Variants in GSS observed in about 807,000 individuals in gnomAD.
GSS encodes GSH synthetase.
GSS carries 34 observed loss-of-function variants against 60.4 expected under a neutral mutation model. The ratio of observed to expected loss-of-function variants is 0.56; its 90% CI spans 0.43 to 0.75. The LOEUF (loss-of-function observed/expected upper bound fraction) is 0.75. GSS is among the 30% of genes least tolerant of loss of function. GSS has a pLI of 0.00. For missense variants in GSS, 499 were observed against 595.1 expected (o/e 0.84, Z 1.68); for synonymous variants, 224 against 239.0 (o/e 0.94, Z 0.58).
At chr20:34,941,689 C>T in intron 6 of GSS, 24 bp downstream of exon 6, 1 of 1,267,634 alleles carries the variant, frequency 7.9e-7, no homozygotes. Context: ...GCAGGATCCT[C>T]CTGCTACCTT....
Position 34,935,680 on chromosome 20 carries a change from A to T in GSS, c.768-38T>A, listed in dbSNP as rs186477360. 1.4e-3 allele frequency: 2,035 copies of T among 1,487,014 alleles called. 6 individuals are homozygous for T. Among genetic ancestry groups the T allele is most frequent in the Non-Finnish European group, 1.7e-3 (1,796 of 1,064,422 alleles). 92.1% of individuals were successfully genotyped at this position (1,487,014 alleles called of 1,614,324 possible). On this transcript the variant is annotated intron_variant, in intron 8 of 12. Coordinates refer to ENST00000651619, the MANE Select transcript of GSS (RefSeq NM_000178.4). ...ATGGAGAAGGCTGCTGTGTTAAATT[A>T]TAACTGATTTGTTCAGTGGTTCAAT... is the stretch of plus-strand genomic sequence containing the variant.
chr20:34,949,132 T>C (rs2081545892), intron 2 of GSS, among the ~76,000 whole-genome samples: 1 of 152,200 alleles, frequency 6.6e-6, no homozygotes. Context: ...AGGGAAACAG[T>C]GGCTGGAGGA....
At chr20:34,955,101 G>C (rs2081610942) in intron 1 of GSS, 1 of 152,064 alleles carries the variant, frequency 6.6e-6, no homozygotes, top group Non-Finnish European at 1.5e-5. Context: ...ATCTGGGCTC[G>C]CGATTTCGTT....
At chr20:34,935,448 G>C (rs1600381046) in intron 9 of GSS, 128 bp downstream of exon 9, 2 of 750,194 alleles carry the variant, frequency 2.7e-6, no homozygotes, top group East Asian at 5.0e-5. Context: ...GGTTCTAGCA[G>C]CAAGCTCCCT....
chr20:34,946,447 C>A (rs1036402540), intron 2 of GSS, among the ~76,000 whole-genome samples: 9 of 152,238 alleles, frequency 5.9e-5, no homozygotes, highest in African/African-American at 1.9e-4. Context: ...TTATTATCCA[C>A]ACTTAACAGA....
intron 9 of GSS, among the ~76,000 whole-genome samples, chr20:34,932,485 A>G (rs1339042166): frequency 6.6e-6 from 1 of 152,124 alleles, no homozygotes; most frequent in Non-Finnish European, 1.5e-5. Context: ...TCAACCTTGT[A>G]CCATCCCTGA....
chr20:34,949,354 A>G (rs35291022), intron 2 of GSS: 12,274 of 151,754 alleles, frequency 0.081, 580 homozygotes, highest in South Asian at 0.13. Flanking sequence ...CGGCTGTCTG[A>G]CGCTGGCCTG....
chr20:34,931,188 T>G (rs2081398249), intron 11 of GSS, 148 bp downstream of exon 11: 2 of 734,246 alleles, frequency 2.7e-6, no homozygotes, highest in Non-Finnish European at 2.5e-6. Context: ...CACAGGGTCT[T>G]AGGGGACACT....
chr20:34,942,795 G>T, intron 4 of GSS, 136 bp downstream of exon 4: 1 of 947,204 alleles, frequency 1.1e-6, no homozygotes, highest in Non-Finnish European at 1.7e-6. Context: ...TGGTCACTGG[G>T]ATAAACCCAG....
intron 1 of GSS, among the ~76,000 whole-genome samples, chr20:34,953,655 G>A (rs1296981830): frequency 3.7e-5 from 5 of 135,546 alleles, no homozygotes; most frequent in Non-Finnish European, 7.6e-5. Flanking sequence ...TGGCTCTGTC[G>A]CCCAGGCTGG....
At chr20:34,944,236 G>A (rs1184937588) in intron 3 of GSS, among the ~76,000 whole-genome samples, 1 of 152,188 alleles carries the variant, frequency 6.6e-6, no homozygotes, top group Non-Finnish European at 1.5e-5. Context: ...TTAGGAACTA[G>A]GGTTTATATG....
Position 34,942,584 on chromosome 20 carries a change from C to A in GSS, c.395G>T (p.Arg132Leu). 1 of 1,614,010 alleles carries A rather than the reference C, an allele frequency of 6.2e-7. No individual in the cohort carries two copies. Among genetic ancestry groups the A allele is most frequent in the South Asian group, 1.1e-5 (1 of 91,080 alleles). The change falls in exon 5 of 13, where the codon CGC becomes CTC. Residue 132 changes from arginine to leucine, a missense_variant. Arg to Leu is a moderately radical substitution (Grantham distance 102). Coordinates refer to ENST00000651619, the MANE Select transcript of GSS (RefSeq NM_000178.4). The part of the protein sequence containing the change: ...GLNRSDYMFQ[R>L]SADGSPALKQ... ...CAGGGCTGGGGAGCCATCTGCGCTG[C>A]GCTGGAACATGTAGTCTGAGCGATT...
intron 6 of GSS, among the ~76,000 whole-genome samples, chr20:34,937,992 G>A (rs8118735): frequency 4.6e-5 from 7 of 152,146 alleles, no homozygotes; most frequent in Non-Finnish European, 1.0e-4. Context: ...CGGGTAGCTG[G>A]GATTTCAGGT....
intron 6 of GSS, among the ~76,000 whole-genome samples, chr20:34,937,948 C>G (rs772373043): frequency 1.3e-4 from 20 of 152,290 alleles, no homozygotes; most frequent in African/African-American, 4.3e-4. Flanking sequence ...ACCTCCACCC[C>G]CTGGGTTCCA....
chr20:34,947,030 C>CATTATGGTGGTATAAGTTT, intron 2 of GSS, among the ~76,000 whole-genome samples: 1 of 152,104 alleles, frequency 6.6e-6, no homozygotes, highest in South Asian at 2.1e-4. Context: ...ATCAGTTTGT[C>CATTATGGTGGTATAAGTTT]ATTATGGTGG....
At chr20:34,941,855 G>T in intron 5 of GSS, 26 bp from the exon 6 acceptor site, 1 of 1,275,626 alleles carries the variant, frequency 7.8e-7, no homozygotes, top group Non-Finnish European at 1.1e-6. Flanking sequence ...TGGCTGTTCA[G>T]TAATTGGATG....
intron 9 of GSS, among the ~76,000 whole-genome samples, chr20:34,934,776 TC>T (rs1337852865): frequency 6.6e-6 from 1 of 151,904 alleles, no homozygotes; most frequent in Non-Finnish European, 1.5e-5. Flanking sequence ...CTAGTGTAGC[TC>T]CCCCCGCTCA....
intron 2 of GSS, chr20:34,950,274 T>C (rs1236690549): frequency 6.6e-6 from 1 of 152,158 alleles, no homozygotes. Context: ...ACCATCAGCC[T>C]GCCTTAGGTG....
At chr20:34,945,022 ATTATTTCTTT>A (rs1300719611) in intron 3 of GSS, among the ~76,000 whole-genome samples, 1 of 151,444 alleles carries the variant, frequency 6.6e-6, no homozygotes, top group African/African-American at 2.4e-5. Flanking sequence ...TATATGTATT[ATTATTTCTTT>A]TTTTTTGAGA....
Sources: allele counts gnomAD v4.1 joint callset (sites outside exome capture counted in the v4.1 genomes callset), GRCh38; gene constraint gnomAD v4.1.1; transcripts MANE v1.5; gene names NCBI Gene and HGNC (gene_info 2026-07-23, HGNC 2026-07-21).